The following KLF12 variants were observed in gnomAD, a reference collection of about 807,000 sequenced individuals.
KLF12 encodes the protein Krueppel-like factor 12.
In KLF12, 9 loss-of-function variants were observed where a neutral mutation model predicts 37.8. That is an observed-to-expected ratio of 0.24 (90% confidence interval 0.14 to 0.42). The LOEUF (loss-of-function observed/expected upper bound fraction) is 0.42. Among genes scored for constraint, KLF12 ranks in the 10% least tolerant of loss-of-function variants. The pLI is 1.00. For missense variants in KLF12, 411 were observed against 516.0 expected, an observed-to-expected ratio of 0.80 and a Z score of 1.97; for synonymous variants, 208 against 202.1, an observed-to-expected ratio of 1.03 and a Z score of -0.25.
intron 6 of KLF12, among the ~76,000 whole-genome samples, chr13:73,735,776 A>C (rs1431453458): frequency 6.6e-6 from 1 of 152,162 alleles, no homozygotes; most frequent in Non-Finnish European, 1.5e-5. Flanking sequence ...TAATCTGCAG[A>C]ACAACTCTAT....
intron 1 of KLF12, among the ~76,000 whole-genome samples, chr13:74,124,604 T>C (rs1320957292): frequency 6.6e-6 from 1 of 152,188 alleles, no homozygotes; most frequent in Non-Finnish European, 1.5e-5. Flanking sequence ...GTCAACTTTC[T>C]TTGCTTTTGT....
chr13:73,923,396 C>T (rs1889218148), intron 3 of KLF12, among the ~76,000 whole-genome samples: 1 of 152,196 alleles, frequency 6.6e-6, no homozygotes, highest in African/African-American at 2.4e-5. Context: ...TTCCTCCCAA[C>T]TCTCACGGAG....
At chr13:73,815,670 G>T (rs193006670) in intron 4 of KLF12, among the ~76,000 whole-genome samples, 196 of 152,268 alleles carry the variant, frequency 1.3e-3, no homozygotes, top group African/African-American at 3.5e-3. Context: ...ATTTAAAGTT[G>T]TTGAAACATC....
the KLF12 span, among the ~76,000 whole-genome samples, chr13:74,226,494 C>T: frequency 0.028 from 4,277 of 152,140 alleles, 74 homozygotes; most frequent in South Asian, 0.042. Flanking sequence ...GCCCATTAGG[C>T]GGTACAAAAT....
intron 1 of KLF12, among the ~76,000 whole-genome samples, chr13:74,007,538 G>A (rs61957968): frequency 0.3 from 45,252 of 151,936 alleles, 8,270 homozygotes; most frequent in East Asian, 0.61. Flanking sequence ...GCCTCCCAGT[G>A]TGCTGGGATT....
intron 3 of KLF12, among the ~76,000 whole-genome samples, chr13:73,927,241 G>A (rs1889434044): frequency 6.6e-6 from 1 of 152,200 alleles, no homozygotes. Flanking sequence ...AGCTAAAAGT[G>A]GGAGAGCCCA....
At chr13:74,064,889 A>C (rs1199919190) in intron 1 of KLF12, among the ~76,000 whole-genome samples, 2 of 152,176 alleles carry the variant, frequency 1.3e-5, no homozygotes, top group Non-Finnish European at 2.9e-5. Flanking sequence ...AGTTTTATTC[A>C]TCCTGCATTC....
At chr13:74,182,279 T>C in the KLF12 span, among the ~76,000 whole-genome samples, 1 of 152,230 alleles carries the variant, frequency 6.6e-6, no homozygotes, top group African/African-American at 2.4e-5. Context: ...GTTTCTACTT[T>C]AGGCATCCTT....
At chr13:73,738,986 G>A (rs1028580922) in intron 6 of KLF12, among the ~76,000 whole-genome samples, 6 of 152,116 alleles carry the variant, frequency 3.9e-5, no homozygotes, top group African/African-American at 1.4e-4. Flanking sequence ...TGTATTTCCA[G>A]CACTTTGGAA....
At chr13:73,904,020 A>C (rs1888155337) in intron 3 of KLF12, among the ~76,000 whole-genome samples, 1 of 152,196 alleles carries the variant, frequency 6.6e-6, no homozygotes, top group African/African-American at 2.4e-5. Flanking sequence ...GCACTAGTGA[A>C]CATGAGGCAG....
intron 2 of KLF12, among the ~76,000 whole-genome samples, chr13:73,973,189 CTTAG>C (rs1426627527): frequency 6.6e-6 from 1 of 152,116 alleles, no homozygotes; most frequent in Admixed American, 6.5e-5. Flanking sequence ...CCAAAGTACT[CTTAG>C]TTATTTAAAA....
chr13:74,232,977 C>T, the KLF12 span, among the ~76,000 whole-genome samples: 1 of 152,148 alleles, frequency 6.6e-6, no homozygotes, highest in African/African-American at 2.4e-5. Flanking sequence ...CCTCCGCCTC[C>T]TGGGTTCAAG....
the KLF12 span, among the ~76,000 whole-genome samples, chr13:74,264,537 C>T: frequency 6.6e-6 from 1 of 152,090 alleles, no homozygotes; most frequent in African/African-American, 2.4e-5. Context: ...TTGAAATAGC[C>T]ACAGAATCCA....
At chr13:74,006,928 T>C (rs1389840862) in intron 1 of KLF12, among the ~76,000 whole-genome samples, 1 of 152,224 alleles carries the variant, frequency 6.6e-6, no homozygotes, top group African/African-American at 2.4e-5. Flanking sequence ...ATGTTTGAGA[T>C]ATTTCATCAC....
the KLF12 span, among the ~76,000 whole-genome samples, chr13:74,246,972 A>G: frequency 6.6e-6 from 1 of 152,246 alleles, no homozygotes; most frequent in South Asian, 2.1e-4. Flanking sequence ...AGAGACTTTT[A>G]GTTGAAAAAT....
At chr13:73,731,316 C>T (rs1877038167) in intron 6 of KLF12, among the ~76,000 whole-genome samples, 1 of 151,970 alleles carries the variant, frequency 6.6e-6, no homozygotes, top group African/African-American at 2.4e-5. Context: ...GTAAACAATA[C>T]ATTTATGTTT....
At chr13:74,289,450 G>A in the KLF12 span, among the ~76,000 whole-genome samples, 1 of 152,246 alleles carries the variant, frequency 6.6e-6, no homozygotes, top group African/African-American at 2.4e-5. Flanking sequence ...AGAGAGCTTA[G>A]CTACATGCAG....
the KLF12 span, among the ~76,000 whole-genome samples, chr13:74,245,095 G>T: frequency 1.3e-5 from 2 of 152,182 alleles, no homozygotes; most frequent in Admixed American, 6.5e-5. Context: ...CAGTTGGATG[G>T]CTAGAGAAGC....
chr13:74,216,989 T>A, the KLF12 span, among the ~76,000 whole-genome samples: 5 of 152,224 alleles, frequency 3.3e-5, no homozygotes, highest in Admixed American at 2.0e-4. Context: ...ATTTCTTCCA[T>A]ATCCCCCAGG....
Sources: gnomAD v4.1 joint callset for allele counts (sites outside exome capture counted in the v4.1 genomes callset) on GRCh38, gnomAD v4.1.1 for gene constraint, MANE v1.5 for transcripts, NCBI Gene and HGNC (gene_info 2026-07-23, HGNC 2026-07-21) for gene names.